C3orf18: variants seen among roughly 807,000 people sequenced by gnomAD.
C3orf18 encodes the protein chromosome 3 open reading frame 18.
In C3orf18, 12 loss-of-function variants were observed where a neutral mutation model predicts 14.1. The ratio of observed to expected loss-of-function variants is 0.85; its 90% CI spans 0.55 to 1.38. The LOEUF (loss-of-function observed/expected upper bound fraction) is 1.38. C3orf18 is among the 40% of genes most tolerant of loss of function. C3orf18 has a pLI of 0.00. For missense variants in C3orf18, 196 were observed against 213.9 expected (o/e 0.92, Z 0.52); for synonymous variants, 82 against 87.9 (o/e 0.93, Z 0.38).
At position 50,559,704 on chromosome 3, in the gene C3orf18, G is replaced by T. The variant is rs1017490232; in HGVS notation, c.442C>A (p.Pro148Thr). 11 of 1,596,272 alleles carry T rather than the reference G, an allele frequency of 6.9e-6. No individual in the cohort carries two copies. Among genetic ancestry groups the T allele is most frequent in the Non-Finnish European group, 9.4e-6 (11 of 1,171,314 alleles). ...TLPSQGPLQR[P>T]SRLVFTDVAN... ...ACATCGGTAAACACCAGCCGGCTGG[G>T]TCTCTGCAGTGGGCCCTGGGAGGGC... is the stretch of plus-strand genomic sequence containing the variant. The change falls in exon 6 of 6, where the codon CCC becomes ACC. Residue 148 changes from proline to threonine, a missense_variant. Pro to Thr is a conservative substitution (Grantham distance 38). Transcript: ENST00000357203.
chr3:50,561,669 A>G (rs926461243), intron 4 of C3orf18, 53 bp downstream of exon 4: 3 of 1,575,122 alleles, frequency 1.9e-6, no homozygotes, highest in Non-Finnish European at 1.7e-6. Context: ...CCAGCCCAGC[A>G]CTCCCCATGG....
Position 50,558,679 on chromosome 3 carries a change from G to A in C3orf18, c.*978C>T. ...CAGATCCTCATTAGAGCCCAAGACA[G>A]GGAGCCGTTTTCAGAAGCAGGTGAG... is the stretch of plus-strand genomic sequence containing the variant. On this transcript the variant is annotated 3_prime_UTR_variant, in exon 6 of 6. Coordinates refer to ENST00000357203, the MANE Select transcript of C3orf18 (RefSeq NM_016210.5). The A allele has an allele frequency of 7.8e-7, 1 of 1,283,690 alleles. No individual in the cohort carries two copies. Among genetic ancestry groups the A allele is most frequent in the Non-Finnish European group, 1.0e-6 (1 of 984,900 alleles). The allele number at this position is 1,283,690 out of a possible 1,614,324, so 79.5% of individuals were successfully genotyped here.
At chr3:50,561,867 A>T in intron 3 of C3orf18, 120 bp from the exon 4 acceptor site, 1 of 953,424 alleles carries the variant, frequency 1.0e-6, no homozygotes, top group Non-Finnish European at 1.7e-6. Flanking sequence ...CCCCGTCCTA[A>T]TGACACATAC....
chr3:50,571,410 C>T, upstream of C3orf18: 1 of 1,098,112 alleles, frequency 9.1e-7, no homozygotes, highest in Non-Finnish European at 1.3e-6. Flanking sequence ...GTTTTCTGTT[C>T]ACTAAGAGTG....
intron 3 of C3orf18, chr3:50,562,007 C>A: frequency 1.7e-6 from 1 of 595,852 alleles, no homozygotes; most frequent in Non-Finnish European, 3.0e-6. Context: ...TCAAGTGATT[C>A]TCCTGCCTAA....
chr3:50,573,684 C>G (rs748455563), upstream of C3orf18, among the ~76,000 whole-genome samples: 2 of 152,220 alleles, frequency 1.3e-5, no homozygotes, highest in Non-Finnish European at 2.9e-5. Context: ...AATGTAAAGC[C>G]ACATCGGGGG....
At chr3:50,573,886 C>T (rs953405235), upstream of C3orf18, among the ~76,000 whole-genome samples, 66 of 152,222 alleles carry the variant, frequency 4.3e-4, no homozygotes, top group African/African-American at 1.5e-3. Flanking sequence ...CAGTAGGAAA[C>T]TCAGGGCTGG....
upstream of C3orf18, chr3:50,571,078 G>A: frequency 6.5e-7 from 1 of 1,527,072 alleles, no homozygotes; most frequent in South Asian, 1.2e-5. Context: ...GAACCTGGAA[G>A]CACTCTGGAG....
At chr3:50,561,590 C>A (rs1268063174) in intron 4 of C3orf18, 132 bp downstream of exon 4, 8 of 864,770 alleles carry the variant, frequency 9.3e-6, no homozygotes, top group African/African-American at 1.7e-5. Context: ...AAAGTGGTCA[C>A]CCCCAACCAT....
chr3:50,568,351 G>A (rs1047497794), upstream of C3orf18, among the ~76,000 whole-genome samples: 6 of 152,150 alleles, frequency 3.9e-5, no homozygotes, highest in African/African-American at 1.2e-4. Context: ...AGTAGTTTAT[G>A]GGAGTCACCG....
At chr3:50,572,282 C>T (rs1462457490), upstream of C3orf18, 49 of 1,544,926 alleles carry the variant, frequency 3.2e-5, no homozygotes, top group Non-Finnish European at 4.0e-5. Context: ...CCCCAGGCTT[C>T]CTCCAGGGGG....
intron 3 of C3orf18, chr3:50,562,051 C>A (rs959226820): frequency 1.0e-4 from 58 of 571,688 alleles, no homozygotes; most frequent in Admixed American, 3.1e-5. Flanking sequence ...AGGTGTGCAC[C>A]ACCACACCCG....
upstream of C3orf18, chr3:50,570,518 T>C (rs930631025): frequency 6.6e-5 from 10 of 152,296 alleles, no homozygotes; most frequent in African/African-American, 2.4e-4. Context: ...CTGCTGTGTG[T>C]TGAGCTGCCT....
At chr3:50,571,593 G>A, upstream of C3orf18, 1 of 981,098 alleles carries the variant, frequency 1.0e-6, no homozygotes, top group Non-Finnish European at 1.6e-6. Flanking sequence ...TCTGGGCCCA[G>A]ATGATGAGAG....
At chr3:50,572,259 G>A (rs754544717), upstream of C3orf18, 19 of 1,574,284 alleles carry the variant, frequency 1.2e-5, no homozygotes, top group African/African-American at 2.0e-4. Context: ...TGGAGTTCAG[G>A]GCACCAGTCT....
At chr3:50,561,827 C>T in intron 3 of C3orf18, 80 bp from the exon 4 acceptor site, 2 of 1,476,408 alleles carry the variant, frequency 1.4e-6, no homozygotes, top group Admixed American at 1.7e-5. Context: ...TGGGGACATG[C>T]TGAGGCTGAT....
upstream of C3orf18, chr3:50,572,277 G>C (rs924820592): frequency 1.3e-6 from 2 of 1,558,546 alleles, no homozygotes; most frequent in African/African-American, 2.7e-5. Context: ...TCTTACCCCA[G>C]GCTTCCTCCA....
intron 5 of C3orf18, among the ~76,000 whole-genome samples, chr3:50,560,112 C>T (rs887591344): frequency 5.9e-5 from 9 of 152,184 alleles, no homozygotes; most frequent in Admixed American, 2.0e-4. Context: ...CCAAGGTTCT[C>T]AGTGCGAGTT....
At chr3:50,569,479 C>A (rs999235659), upstream of C3orf18, 5 of 151,076 alleles carry the variant, frequency 3.3e-5, no homozygotes, top group African/African-American at 1.2e-4. Flanking sequence ...GGAAGCGGGG[C>A]GTCCGAGGGA....
Sources: gnomAD v4.1 joint callset for allele counts (sites outside exome capture counted in the v4.1 genomes callset) on GRCh38, gnomAD v4.1.1 for gene constraint, MANE v1.5 for transcripts, NCBI Gene and HGNC (gene_info 2026-07-23, HGNC 2026-07-21) for gene names.